Variants in KCNIP4 observed in about 807,000 individuals in gnomAD.
The protein encoded by KCNIP4 is Kv channel-interacting protein 4.
In KCNIP4, 12 loss-of-function variants were observed where a neutral mutation model predicts 34.0. The ratio of observed to expected loss-of-function variants is 0.35; its 90% CI spans 0.23 to 0.57. The LOEUF (loss-of-function observed/expected upper bound fraction) is 0.57, where lower values mean the gene tolerates loss of function less well. Among genes scored for constraint, KCNIP4 ranks in the 20% least tolerant of loss-of-function variants. The pLI is 0.83. For synonymous variants in KCNIP4, 124 were observed against 102.2 expected, an observed-to-expected ratio of 1.21 and a Z score of -1.29; for missense variants, 238 against 311.7, an observed-to-expected ratio of 0.76 and a Z score of 1.78.
At chr4:21,135,497 C>T (rs1011788991) in intron 1 of KCNIP4, among the ~76,000 whole-genome samples, 2 of 152,082 alleles carry the variant, frequency 1.3e-5, no homozygotes, top group East Asian at 1.9e-4. Context: ...TAGTGTAGAA[C>T]TTACTGTAAG....
At chr4:20,955,249 G>C (rs754690884) in intron 1 of KCNIP4, among the ~76,000 whole-genome samples, 3 of 152,086 alleles carry the variant, frequency 2.0e-5, no homozygotes, top group Non-Finnish European at 4.4e-5. Context: ...TCTTAAACAC[G>C]GCAAAATGTG....
chr4:21,672,339 C>A (rs1463316693), intron 1 of KCNIP4, among the ~76,000 whole-genome samples: 5 of 143,344 alleles, frequency 3.5e-5, no homozygotes, highest in Admixed American at 1.3e-4. Flanking sequence ...TGCTGTGAGA[C>A]CATGGGAAAA....
intron 1 of KCNIP4, among the ~76,000 whole-genome samples, chr4:20,910,379 C>T (rs559938960): frequency 5.9e-5 from 9 of 152,156 alleles, no homozygotes; most frequent in East Asian, 1.9e-4. Flanking sequence ...AGTACAATTA[C>T]GCCCTCTCAA....
intron 1 of KCNIP4, among the ~76,000 whole-genome samples, chr4:21,071,215 C>T (rs1744885209): frequency 1.3e-5 from 2 of 152,144 alleles, no homozygotes; most frequent in African/African-American, 2.4e-5. Flanking sequence ...CTACAAGTTT[C>T]ATAGCATTAC....
chr4:21,263,445 C>T (rs1761598858), intron 1 of KCNIP4, among the ~76,000 whole-genome samples: 1 of 152,124 alleles, frequency 6.6e-6, no homozygotes, highest in East Asian at 1.9e-4. Context: ...GTTTACTTAG[C>T]TTCTTGAGCC....
intron 3 of KCNIP4, among the ~76,000 whole-genome samples, chr4:20,777,288 A>G (rs2149387063): frequency 6.6e-6 from 1 of 152,272 alleles, no homozygotes; most frequent in Middle Eastern, 3.4e-3. Context: ...CTCACTCACT[A>G]TCATGAGAAT....
At chr4:20,864,902 G>C (rs530698195) in intron 2 of KCNIP4, among the ~76,000 whole-genome samples, 63 of 152,146 alleles carry the variant, frequency 4.1e-4, no homozygotes, top group African/African-American at 1.4e-3. Context: ...ATGGATAAGA[G>C]TGTCTTCATC....
Position 21,089,178 on chromosome 4 carries a change from G to A in KCNIP4, c.62-206469C>T, listed in dbSNP as rs112260104. Among the ~76,000 whole-genome samples, 810 of 152,234 alleles carry A rather than the reference G, an allele frequency of 5.3e-3. 7 individuals are homozygous for A. The highest frequency in any genetic ancestry group is 0.019 in the African/African-American group (772 of 41,544). On this transcript the variant is annotated intron_variant, in intron 1 of 8. Coordinates refer to ENST00000382152, the MANE Select transcript of KCNIP4 (RefSeq NM_025221.6). The stretch of plus-strand genomic sequence containing the variant: ...TTGTATTCTCCAATGTTGGAGTAGG[G>A]GCCTGGTGGGAGGTAATTAGATCAT...
intron 1 of KCNIP4, among the ~76,000 whole-genome samples, chr4:21,266,737 G>A (rs1761835194): frequency 6.6e-6 from 1 of 152,192 alleles, no homozygotes; most frequent in Non-Finnish European, 1.5e-5. Context: ...GGAAAATAAA[G>A]CACACAAGAT....
intron 1 of KCNIP4, among the ~76,000 whole-genome samples, chr4:20,959,087 G>A (rs916632183): frequency 1.3e-5 from 2 of 152,178 alleles, no homozygotes; most frequent in Non-Finnish European, 2.9e-5. Flanking sequence ...AGGAGGTTTA[G>A]TCGGTAACAC....
intron 1 of KCNIP4, among the ~76,000 whole-genome samples, chr4:21,498,850 C>T (rs1005822315): frequency 2.0e-5 from 3 of 152,114 alleles, no homozygotes; most frequent in Non-Finnish European, 4.4e-5. Flanking sequence ...ATCTTTCTCT[C>T]CGTGAAGCAC....
At chr4:21,077,354 C>G (rs1422377386) in intron 1 of KCNIP4, among the ~76,000 whole-genome samples, 1 of 152,086 alleles carries the variant, frequency 6.6e-6, no homozygotes, top group Non-Finnish European at 1.5e-5. Context: ...AGTTACTACT[C>G]AGACTATAAA....
At chr4:20,758,266 GTTTTAA>G (rs1754648591) in intron 4 of KCNIP4, among the ~76,000 whole-genome samples, 1 of 152,086 alleles carries the variant, frequency 6.6e-6, no homozygotes, top group South Asian at 2.1e-4. Context: ...ATCTAGGATG[GTTTTAA>G]TTTTCTCAGA....
chr4:20,851,141 G>A (rs574854372), intron 2 of KCNIP4, among the ~76,000 whole-genome samples: 10 of 152,104 alleles, frequency 6.6e-5, no homozygotes, highest in East Asian at 3.9e-4. Context: ...TCATCCCATC[G>A]CCCAGGTATG....
intron 1 of KCNIP4, among the ~76,000 whole-genome samples, chr4:21,748,580 G>A (rs566755491): frequency 6.6e-6 from 1 of 152,060 alleles, no homozygotes; most frequent in Non-Finnish European, 1.5e-5. Flanking sequence ...TTGCCTAAAG[G>A]GTGGGTTTAT....
Position 20,746,522 on chromosome 4 carries a change from TA to T in KCNIP4, c.429+3139del, listed in dbSNP as rs553423842. ...TGTATCCCAGAACTTAAAGTATAAT[TA>T]AAAAAAAAATCCCCCAACTGATAAC... On this transcript the variant is annotated intron_variant, in intron 5 of 8. Coordinates refer to ENST00000382152, the MANE Select transcript of KCNIP4 (RefSeq NM_025221.6). Among the ~76,000 whole-genome samples, 425 of 149,462 alleles carry T rather than the reference TA, an allele frequency of 2.8e-3. 6 individuals are homozygous for T. The highest frequency in any genetic ancestry group is 9.9e-3 in the African/African-American group (402 of 40,800).
In KCNIP4 at chr4:20,729,246, T is replaced by G. The variant is rs558419940; in HGVS notation, c.*836A>C. 7.2e-5 allele frequency: 11 copies of G among 151,846 alleles called. No individual in the cohort carries two copies. The South Asian group carries it at 2.4e-3, about 34-fold the overall frequency. The allele number at this position is 151,846 out of a possible 1,614,324, so 9.4% of individuals were successfully genotyped here. On this transcript the variant is annotated 3_prime_UTR_variant, in exon 9 of 9. Coordinates refer to ENST00000382152, the MANE Select transcript of KCNIP4 (RefSeq NM_025221.6). ...ATTACTATATACTGGAGGATAGATATCCTGACCCTTTGCATATGTCTGTAA... is the reference window on the plus strand; with the variant it reads ...ATTACTATATACTGGAGGATAGATAGCCTGACCCTTTGCATATGTCTGTAA...
At chr4:20,917,033 A>G (rs1177101507) in intron 1 of KCNIP4, among the ~76,000 whole-genome samples, 2 of 67,840 alleles carry the variant, frequency 2.9e-5, no homozygotes, top group African/African-American at 6.2e-5. Flanking sequence ...ATATATATAT[A>G]TATATATATA....
At chr4:21,713,630 A>C (rs1713919661) in intron 1 of KCNIP4, among the ~76,000 whole-genome samples, 1 of 152,142 alleles carries the variant, frequency 6.6e-6, no homozygotes, top group East Asian at 1.9e-4. Flanking sequence ...TCTTCTAGCA[A>C]TTTTGAAATA....
Sources: gnomAD v4.1 joint callset for allele counts (sites outside exome capture counted in the v4.1 genomes callset) on GRCh38, gnomAD v4.1.1 for gene constraint, MANE v1.5 for transcripts, NCBI Gene and HGNC (gene_info 2026-07-23, HGNC 2026-07-21) for gene names.